The following PDE1C variants were observed in gnomAD, a reference collection of about 807,000 sequenced individuals.
PDE1C encodes the protein phosphodiesterase 1C.
A neutral mutation model predicts 93.1 loss-of-function variants in PDE1C; 62 were observed. The observed-to-expected ratio is 0.67, with a 90% CI of 0.54 to 0.82. The LOEUF is 0.82. PDE1C is among the 40% of genes least tolerant of loss of function. The probability of loss-of-function intolerance (pLI) is 0.00; values close to 1 mark genes in which losing one functional copy is unlikely to be tolerated. For missense variants in PDE1C, 742 were observed against 884.6 expected (o/e 0.84, Z 2.04); for synonymous variants, 325 against 310.1 (o/e 1.05, Z -0.50).
rs112356396 is a variant in PDE1C, at chr7:31,931,172, T to C, written c.129-50312A>G. ...AGCTGGAAGCATTCCCTTTGAAAACTGGCACAAGACAAGGATGCCCTCTCT... is the reference window on the plus strand; with the variant it reads ...AGCTGGAAGCATTCCCTTTGAAAACCGGCACAAGACAAGGATGCCCTCTCT... On this transcript the variant is annotated intron_variant, in intron 2 of 17. Transcript: ENST00000396191. 9.0e-3 allele frequency among the ~76,000 whole-genome samples: 1,364 copies of C among 152,286 alleles called. 20 individuals are homozygous for C. Among genetic ancestry groups the C allele is most frequent in the African/African-American group, 0.031 (1,278 of 41,552 alleles).
intron 3 of PDE1C, among the ~76,000 whole-genome samples, chr7:32,125,639 G>A (rs1345945101): frequency 6.6e-6 from 1 of 151,986 alleles, no homozygotes; most frequent in Non-Finnish European, 1.5e-5. Context: ...AACACCACAT[G>A]TTCTCACTCA....
At chr7:31,784,329 T>A (rs1364506185) in intron 16 of PDE1C, 3 of 152,052 alleles carry the variant, frequency 2.0e-5, no homozygotes, top group African/African-American at 7.2e-5. Context: ...GGGAGGACAA[T>A]AACAACATCA....
At chr7:31,887,118 G>C (rs1174495156) in intron 2 of PDE1C, among the ~76,000 whole-genome samples, 1 of 152,150 alleles carries the variant, frequency 6.6e-6, no homozygotes, top group South Asian at 2.1e-4. Context: ...TAATCAGGCT[G>C]GTCTGATACT....
intron 2 of PDE1C, among the ~76,000 whole-genome samples, chr7:32,040,507 A>G (rs768595900): frequency 6.6e-6 from 1 of 152,212 alleles, no homozygotes; most frequent in Non-Finnish European, 1.5e-5. Flanking sequence ...CAAATCAGCC[A>G]AATCACCCCC....
intron 1 of PDE1C, among the ~76,000 whole-genome samples, chr7:32,315,820 A>C (rs1018624016): frequency 7.9e-5 from 12 of 151,916 alleles, no homozygotes; most frequent in Non-Finnish European, 1.8e-4. Flanking sequence ...ACATGGAGAA[A>C]CCCTGTCTCT....
intron 3 of PDE1C, among the ~76,000 whole-genome samples, chr7:32,135,923 C>A (rs1222516275): frequency 6.6e-6 from 1 of 152,142 alleles, no homozygotes; most frequent in East Asian, 1.9e-4. Flanking sequence ...TATTCAGACA[C>A]AATTAAGAAG....
chr7:31,806,383 T>C (rs1486133652), intron 16 of PDE1C, among the ~76,000 whole-genome samples: 1 of 151,990 alleles, frequency 6.6e-6, no homozygotes, highest in Non-Finnish European at 1.5e-5. Context: ...AACCCACAAA[T>C]CTTCCGATGC....
At chr7:31,741,109 ATTTG>A in the PDE1C span, among the ~76,000 whole-genome samples, 1 of 151,642 alleles carries the variant, frequency 6.6e-6, no homozygotes, top group African/African-American at 2.4e-5. Context: ...ATGTTTACTA[ATTTG>A]TTTAACGATA....
At chr7:31,977,318 C>T (rs929994039) in intron 2 of PDE1C, among the ~76,000 whole-genome samples, 15 of 152,140 alleles carry the variant, frequency 9.9e-5, no homozygotes, top group Non-Finnish European at 1.5e-4. Flanking sequence ...AGAAGGTCCT[C>T]GCCAGATGCC....
chr7:32,350,003 T>C (rs748278697), intron 1 of PDE1C, among the ~76,000 whole-genome samples: 13 of 152,270 alleles, frequency 8.5e-5, no homozygotes, highest in Non-Finnish European at 1.6e-4. Context: ...TGGACAATAA[T>C]ACATTCCTTA....
chr7:31,746,229 A>C (rs559658259), downstream of PDE1C, among the ~76,000 whole-genome samples: 1 of 152,356 alleles, frequency 6.6e-6, no homozygotes, highest in East Asian at 1.9e-4. Context: ...TTCCTAAGGA[A>C]GGAACCCAGA....
chr7:32,173,911 C>T (rs1331059169), intron 2 of PDE1C, among the ~76,000 whole-genome samples: 1 of 152,194 alleles, frequency 6.6e-6, no homozygotes, highest in African/African-American at 2.4e-5. Flanking sequence ...ACAGCTCTTT[C>T]AATGCCCGTG....
At chr7:32,070,523 C>A, upstream of PDE1C, 3 of 1,497,224 alleles carry the variant, frequency 2.0e-6, no homozygotes, top group Non-Finnish European at 1.8e-6. Flanking sequence ...TCGGCGCGCT[C>A]CCCCTTCTGC....
chr7:31,824,170 T>C (rs1285288017), intron 13 of PDE1C, among the ~76,000 whole-genome samples: 4 of 152,174 alleles, frequency 2.6e-5, no homozygotes, highest in South Asian at 2.1e-4. Flanking sequence ...CTGTTCTACA[T>C]GAACAAGGAG....
chr7:32,401,425 T>C (rs2128095550), intron 1 of PDE1C, among the ~76,000 whole-genome samples: 1 of 151,706 alleles, frequency 6.6e-6, no homozygotes. Flanking sequence ...TAATCCCAAC[T>C]ACTCGGGAGG....
At chr7:31,959,195 TTTTG>T (rs1264905262) in intron 2 of PDE1C, among the ~76,000 whole-genome samples, 1 of 148,334 alleles carries the variant, frequency 6.7e-6, no homozygotes, top group African/African-American at 2.5e-5. Context: ...TTGTTTTTTG[TTTTG>T]TTGTTTGTTT....
the PDE1C span, among the ~76,000 whole-genome samples, chr7:31,640,153 A>G: frequency 1.3e-5 from 2 of 152,140 alleles, no homozygotes; most frequent in Non-Finnish European, 2.9e-5. Context: ...TCTAAGGCTA[A>G]TTATTTCTTA....
rs374414342 is a variant in PDE1C, at chr7:31,870,783, A to G, written c.609+2509T>C. ...TTGCCAGCATTTCCCTGATACCAAA[A>G]CTGGACAAGGATGCAACAACAATAA... is the stretch of plus-strand genomic sequence containing the variant. On this transcript the variant is annotated intron_variant, in intron 6 of 17. Transcript: ENST00000396191. 1.2e-4 allele frequency among the ~76,000 whole-genome samples: 18 copies of G among 152,052 alleles called. No individual in the cohort carries two copies. In the East Asian group the frequency reaches 2.7e-3, roughly 23 times the overall value.
At chr7:32,066,789 T>C (rs1795458226) in intron 1 of PDE1C, among the ~76,000 whole-genome samples, 1 of 152,028 alleles carries the variant, frequency 6.6e-6, no homozygotes, top group African/African-American at 2.4e-5. Context: ...CTCTATCCAG[T>C]CCTCCAGAGA....
Sources: gnomAD v4.1 joint callset for allele counts (sites outside exome capture counted in the v4.1 genomes callset) on GRCh38, gnomAD v4.1.1 for gene constraint, MANE v1.5 for transcripts, NCBI Gene and HGNC (gene_info 2026-07-23, HGNC 2026-07-21) for gene names.